Variants in CASD1 observed in about 807,000 individuals in gnomAD.
CASD1 encodes the protein N-acetylneuraminate (7)9-O-acetyltransferase.
CASD1 carries 41 observed loss-of-function variants against 100.0 expected under a neutral mutation model. That is an observed-to-expected ratio of 0.41 (90% CI 0.32 to 0.53). The LOEUF (loss-of-function observed/expected upper bound fraction) is 0.53. CASD1 is among the 20% of genes least tolerant of loss of function. The probability of loss-of-function intolerance (pLI) is 0.25; values close to 1 mark genes in which losing one functional copy is unlikely to be tolerated. For synonymous variants in CASD1, 321 were observed against 315.6 expected (o/e 1.02, Z -0.18); for missense variants, 774 against 948.7 (o/e 0.82, Z 2.42).
At chr7:94,559,449 A>C (rs1796304413), downstream of CASD1, among the ~76,000 whole-genome samples, 1 of 152,100 alleles carries the variant, frequency 6.6e-6, no homozygotes, top group Admixed American at 6.6e-5. Context: ...TTTGTCTTTC[A>C]GGGATTCAGC....
the CASD1 span, among the ~76,000 whole-genome samples, chr7:94,631,978 G>C: frequency 6.6e-6 from 1 of 151,808 alleles, no homozygotes; most frequent in Non-Finnish European, 1.5e-5. Context: ...AAGAGAGTCT[G>C]GTATATTTGA....
chr7:94,513,651 T>C (rs991967266), intron 1 of CASD1, among the ~76,000 whole-genome samples: 1 of 152,216 alleles, frequency 6.6e-6, no homozygotes, highest in African/African-American at 2.4e-5. Context: ...TGTTGTATTG[T>C]AATAATTGGT....
chr7:94,566,370 AAAG>A, the CASD1 span, among the ~76,000 whole-genome samples: 8 of 152,272 alleles, frequency 5.3e-5, no homozygotes, highest in East Asian at 1.4e-3. Flanking sequence ...CATATAAACA[AAAG>A]AAAGCAAAAT....
At chr7:94,510,302 A>C in intron 1 of CASD1, 85 bp downstream of exon 1, 20 of 1,027,196 alleles carry the variant, frequency 1.9e-5, no homozygotes, top group East Asian at 3.3e-5. Flanking sequence ...CGCCCAACAC[A>C]CGCCCACGCG....
chr7:94,593,035 T>C, the CASD1 span, among the ~76,000 whole-genome samples: 118 of 152,248 alleles, frequency 7.8e-4, 1 homozygote, highest in South Asian at 0.023. Context: ...AACACTGTCT[T>C]CAACTGATAT....
At chr7:94,577,597 C>A in the CASD1 span, among the ~76,000 whole-genome samples, 1 of 152,136 alleles carries the variant, frequency 6.6e-6, no homozygotes, top group East Asian at 1.9e-4. Context: ...TGAGCAGTCA[C>A]ACAGCCCTAC....
At chr7:94,515,708 C>G (rs148582303) in intron 1 of CASD1, among the ~76,000 whole-genome samples, 8 of 151,442 alleles carry the variant, frequency 5.3e-5, no homozygotes, top group African/African-American at 1.9e-4. Context: ...AGACAAAAGG[C>G]AAATAACAAC....
intron 3 of CASD1, among the ~76,000 whole-genome samples, chr7:94,522,196 C>A (rs1794315636): frequency 6.6e-6 from 1 of 152,110 alleles, no homozygotes; most frequent in Non-Finnish European, 1.5e-5. Flanking sequence ...GAACTTTCTG[C>A]TGCTTAAAAA....
At chr7:94,587,390 A>C in the CASD1 span, 1 of 1,097,884 alleles carries the variant, frequency 9.1e-7, no homozygotes, top group African/African-American at 1.6e-5. Flanking sequence ...CCTGCTTCCT[A>C]CTCACTCCAT....
At chr7:94,588,095 G>C in the CASD1 span, 1 of 1,203,818 alleles carries the variant, frequency 8.3e-7, no homozygotes, top group Non-Finnish European at 1.0e-6. Flanking sequence ...GTATAGAGAT[G>C]AATGAAATAA....
At chr7:94,601,675 C>G in the CASD1 span, among the ~76,000 whole-genome samples, 5 of 151,976 alleles carry the variant, frequency 3.3e-5, no homozygotes, top group Non-Finnish European at 7.4e-5. Context: ...CCAAAAAACT[C>G]CACTTGAAAA....
intron 5 of CASD1, among the ~76,000 whole-genome samples, chr7:94,530,493 T>A (rs760734687): frequency 2.0e-5 from 3 of 152,142 alleles, no homozygotes; most frequent in Admixed American, 6.5e-5. Context: ...TTTTAACTAC[T>A]TCTAAATACT....
the CASD1 span, chr7:94,623,485 A>G: frequency 7.1e-6 from 6 of 839,752 alleles, no homozygotes; most frequent in African/African-American, 1.7e-5. Context: ...ACAAATTGTC[A>G]TTCTTTCCAT....
chr7:94,559,734 C>G (rs952528913), downstream of CASD1, among the ~76,000 whole-genome samples: 41 of 152,104 alleles, frequency 2.7e-4, no homozygotes, highest in African/African-American at 9.4e-4. Flanking sequence ...CCGTGTTGGC[C>G]AGGCTGTTGT....
chr7:94,604,806 AATATATATATATATATATATAT>A, the CASD1 span, among the ~76,000 whole-genome samples: 533 of 44,390 alleles, frequency 0.012, 18 homozygotes, highest in African/African-American at 0.038. Context: ...ATGGTGCTGG[AATATATATATATATATATATAT>A]ATATATATAT....
At chr7:94,585,322 CA>C in the CASD1 span, 22 of 533,344 alleles carry the variant, frequency 4.1e-5, no homozygotes, top group Non-Finnish European at 6.3e-5. Flanking sequence ...GCTTTAAGTA[CA>C]AAAAAATACA....
intron 11 of CASD1, among the ~76,000 whole-genome samples, chr7:94,545,211 T>G (rs1294310433): frequency 2.0e-5 from 3 of 152,118 alleles, no homozygotes; most frequent in Admixed American, 2.0e-4. Context: ...ACTGCTTTCT[T>G]AAGATAATCT....
chr7:94,579,730 G>T, the CASD1 span, among the ~76,000 whole-genome samples: 1 of 152,066 alleles, frequency 6.6e-6, no homozygotes, highest in African/African-American at 2.4e-5. Context: ...AGATCCTGTG[G>T]TTTCAGTGAA....
downstream of CASD1, among the ~76,000 whole-genome samples, chr7:94,559,276 CTG>C (rs377655712): frequency 8.6e-4 from 118 of 137,596 alleles, no homozygotes; most frequent in Middle Eastern, 3.7e-3. Context: ...GTATATATGT[CTG>C]TGTGTGTGTG....
Sources: gnomAD v4.1 joint callset for allele counts (sites outside exome capture counted in the v4.1 genomes callset) on GRCh38, gnomAD v4.1.1 for gene constraint, MANE v1.5 for transcripts, NCBI Gene and HGNC (gene_info 2026-07-23, HGNC 2026-07-21) for gene names.